Variants in DYNC2H1 observed in about 807,000 individuals in gnomAD.
The protein encoded by DYNC2H1 is cytoplasmic dynein 2 heavy chain 1.
In DYNC2H1, 410 loss-of-function variants were observed where a neutral mutation model predicts 570.0. The ratio of observed to expected loss-of-function variants is 0.72; its 90% confidence interval spans 0.66 to 0.78. The LOEUF is 0.78. Among genes scored for constraint, DYNC2H1 ranks in the 30% least tolerant of loss-of-function variants. DYNC2H1 has a pLI of 0.00. For missense variants in DYNC2H1, 4,865 were observed against 5,046.4 expected, an observed-to-expected ratio of 0.96 and a Z score of 1.09; for synonymous variants, 1,688 against 1,677.6, an observed-to-expected ratio of 1.01 and a Z score of -0.15.
chr11:103,383,923 A>AT (rs1404216618), intron 83 of DYNC2H1, among the ~76,000 whole-genome samples: 1 of 152,012 alleles, frequency 6.6e-6, no homozygotes, highest in Non-Finnish European at 1.5e-5. Context: ...TCTATGCTCC[A>AT]TTTTTTTACT....
chr11:103,292,297 A>C (rs1007379517), intron 75 of DYNC2H1, among the ~76,000 whole-genome samples: 1 of 151,952 alleles, frequency 6.6e-6, no homozygotes, highest in Admixed American at 6.6e-5. Flanking sequence ...CTTGAAGAAA[A>C]CATAACCAGT....
chr11:103,116,890 T>C (rs931407336), intron 5 of DYNC2H1, among the ~76,000 whole-genome samples, 176 bp downstream of exon 5: 2 of 152,006 alleles, frequency 1.3e-5, no homozygotes, highest in Non-Finnish European at 1.5e-5. Flanking sequence ...ATAAATCATA[T>C]GTGTCAAATT....
In DYNC2H1 at chr11:103,156,730, A is replaced by G. The variant is rs1232204052; in HGVS notation, c.4087A>G (p.Lys1363Glu). 6.2e-7 allele frequency: 1 copy of G among 1,613,280 alleles called. No individual in the cohort carries two copies. The highest frequency in any genetic ancestry group is 1.1e-5 in the South Asian group (1 of 90,866). ...EPIFGRGALP[K>E]EQTRFNRVDE... ...CATTTTCGGCCGTGGAGCATTGCCA[A>G]AAGAACAGACACGCTTCAACAGAGT... is the stretch of plus-strand genomic sequence containing the variant. The change falls in exon 26 of 89, where the codon AAA (lysine) becomes GAA (glutamate). Residue 1363 changes from lysine (K) to glutamate (E), a missense_variant. Lys to Glu is a moderately conservative substitution (Grantham distance 56). Around this residue, in one of 5 missense-constraint regions of DYNC2H1, gnomAD observed 1,936 missense variants for 1,962.1 expected, o/e 0.99. Coordinates refer to ENST00000375735, the MANE Select transcript of DYNC2H1 (RefSeq NM_001377.3).
At position 103,305,434 on chromosome 11, in the gene DYNC2H1, G is replaced by A. The variant is rs554923058; in HGVS notation, c.11382+714G>A. On this transcript the variant is annotated intron_variant, in intron 77 of 88. Coordinates refer to ENST00000375735, the MANE Select transcript of DYNC2H1 (RefSeq NM_001377.3). The surrounding 1 kb of genome is among the most constrained non-coding windows in gnomAD (Gnocchi z 4.3). ...TACTAGACGGGCCAGGCAGGGAAGCGTGGGGAAATTGAATTAGATGACTAG... is the reference window on the plus strand; with the variant it reads ...TACTAGACGGGCCAGGCAGGGAAGCATGGGGAAATTGAATTAGATGACTAG... 4.6e-5 allele frequency among the ~76,000 whole-genome samples: 7 copies of A among 152,226 alleles called. No homozygotes were observed. Among genetic ancestry groups the A allele is most frequent in the South Asian group, 2.1e-4 (1 of 4,818 alleles).
At chr11:103,138,779 G>T (rs1004684157) in intron 17 of DYNC2H1, among the ~76,000 whole-genome samples, 1 of 152,140 alleles carries the variant, frequency 6.6e-6, no homozygotes, top group South Asian at 2.1e-4. Context: ...AATAGTTTCA[G>T]AAGGAATGGT....
chr11:103,174,631 C>T (rs189765529), intron 36 of DYNC2H1, among the ~76,000 whole-genome samples: 2 of 152,046 alleles, frequency 1.3e-5, no homozygotes, highest in Non-Finnish European at 2.9e-5. Context: ...CTTAGAAACA[C>T]ATGTAGGATT....
At chr11:103,364,613 TTA>T (rs200190365) in intron 83 of DYNC2H1, among the ~76,000 whole-genome samples, 5,681 of 151,814 alleles carry the variant, frequency 0.037, 221 homozygotes, top group African/African-American at 0.091. Context: ...TTTTTTTTTT[TTA>T]AGCAGGTAGT....
At chr11:103,418,410 A>G (rs1943363497) in intron 84 of DYNC2H1, among the ~76,000 whole-genome samples, 1 of 152,194 alleles carries the variant, frequency 6.6e-6, no homozygotes, top group South Asian at 2.1e-4. Flanking sequence ...ATTTAAAAAT[A>G]TTATGTGCAT....
In DYNC2H1 at chr11:103,201,294, G is replaced by T. The variant is rs971637737; in HGVS notation, c.8197+1140G>T. Among the ~76,000 whole-genome samples the T allele has an allele frequency of 2.6e-5, 4 of 152,068 alleles. No homozygotes were observed. The highest frequency in any genetic ancestry group is 9.7e-5 in the African/African-American group (4 of 41,404). ...GCTAAGTGGGCTCTCTATGTATCTG[G>T]AATTCTATGGATTGTAGAGATATTT... On this transcript the variant is annotated intron_variant, in intron 50 of 88. Transcript: ENST00000375735. The surrounding 1 kb of genome is among the most constrained non-coding windows in gnomAD (Gnocchi z 4.8).
intron 88 of DYNC2H1, among the ~76,000 whole-genome samples, chr11:103,476,919 A>AT (rs1277512778): frequency 1.3e-5 from 2 of 152,186 alleles, no homozygotes; most frequent in African/African-American, 2.4e-5. Flanking sequence ...CAAAAAGCTG[A>AT]TTTTTTCTAG....
chr11:103,229,042 G>A (rs1399723679), intron 59 of DYNC2H1, among the ~76,000 whole-genome samples: 2 of 152,164 alleles, frequency 1.3e-5, no homozygotes, highest in African/African-American at 2.4e-5. Flanking sequence ...AGGCCTCACC[G>A]GCCTCCTATG....
chr11:103,227,694 G>T (rs1200049634), intron 59 of DYNC2H1, among the ~76,000 whole-genome samples: 1 of 152,150 alleles, frequency 6.6e-6, no homozygotes, highest in Non-Finnish European at 1.5e-5. Flanking sequence ...TATCTGTTAA[G>T]TCCATTTGTT....
chr11:103,174,285 C>A (rs1010442637), intron 36 of DYNC2H1, 115 bp downstream of exon 36: 68 of 707,096 alleles, frequency 9.6e-5, no homozygotes, highest in Non-Finnish European at 1.4e-4. Flanking sequence ...TTACTGTATA[C>A]CCTGCCCCAA....
chr11:103,432,451 A>T (rs1418219834), intron 84 of DYNC2H1, among the ~76,000 whole-genome samples: 2 of 152,034 alleles, frequency 1.3e-5, no homozygotes, highest in Non-Finnish European at 2.9e-5. Context: ...ATCTTCAAGG[A>T]TCTCCTTTGC....
intron 87 of DYNC2H1, among the ~76,000 whole-genome samples, chr11:103,458,560 G>T (rs1944877699): frequency 6.6e-6 from 1 of 151,692 alleles, no homozygotes. Context: ...AAAAAATCTT[G>T]TCCTCAGGGA....
At chr11:103,237,553 T>A (rs546529891) in intron 63 of DYNC2H1, among the ~76,000 whole-genome samples, 123 of 152,050 alleles carry the variant, frequency 8.1e-4, no homozygotes, top group Middle Eastern at 6.8e-3. Flanking sequence ...AATTTACTTT[T>A]AAAATTTTTT....
intron 30 of DYNC2H1, among the ~76,000 whole-genome samples, chr11:103,165,389 A>C (rs552648680): frequency 7.2e-5 from 11 of 152,288 alleles, no homozygotes; most frequent in African/African-American, 2.6e-4. Flanking sequence ...TCAGCCTTCC[A>C]AAGTTCTGGG....
Position 103,392,715 on chromosome 11 carries a change from T to G in DYNC2H1, c.12157-6948T>G, listed in dbSNP as rs537283074. Among the ~76,000 whole-genome samples the G allele has an allele frequency of 2.0e-4, 30 of 149,402 alleles. 1 individual carries two copies. In the South Asian group the frequency reaches 6.0e-3, roughly 30 times the overall value. ...CATGGAAAAATATACATCATTTGAT[T>G]TTTAGGGGGTATGGAGGCAAAGATA... On this transcript the variant is annotated intron_variant, in intron 83 of 88. Transcript: ENST00000375735.
At chr11:103,336,194 A>G (rs1939115976) in intron 82 of DYNC2H1, among the ~76,000 whole-genome samples, 2 of 152,218 alleles carry the variant, frequency 1.3e-5, no homozygotes, top group South Asian at 4.1e-4. Context: ...TTTATAGGGT[A>G]CATATAATAT....
Sources: gnomAD v4.1 joint callset for allele counts (sites outside exome capture counted in the v4.1 genomes callset) on GRCh38, gnomAD v4.1.1 for gene constraint, gnomAD v4.1.1 regional missense constraint, Gnocchi (gnomAD v3.1) non-coding constraint, MANE v1.5 for transcripts, NCBI Gene and HGNC (gene_info 2026-07-23, HGNC 2026-07-21) for gene names.